Variants in TRIQK observed in about 807,000 individuals in gnomAD.
TRIQK encodes the protein triple QxxK/R motif containing.
TRIQK carries 10 observed loss-of-function variants against 10.8 expected under a neutral mutation model. The ratio of observed to expected loss-of-function variants is 0.92; its 90% CI spans 0.57 to 1.57. TRIQK has a LOEUF of 1.57. TRIQK is among the 40% of genes most tolerant of loss of function. The probability of loss-of-function intolerance (pLI) is 0.00; values close to 1 mark genes in which losing one functional copy is unlikely to be tolerated. For missense variants in TRIQK, 107 were observed against 97.7 expected (o/e 1.09, Z -0.40); for synonymous variants, 33 against 33.7 (o/e 0.98, Z 0.07).
chr8:92,958,077 A>G (rs990642150), intron 1 of TRIQK, among the ~76,000 whole-genome samples: 1 of 152,054 alleles, frequency 6.6e-6, no homozygotes, highest in Admixed American at 6.6e-5. Context: ...TGCCTCCAAG[A>G]TGCAAATAGT....
intron 3 of TRIQK, among the ~76,000 whole-genome samples, chr8:92,910,185 T>G (rs1405169321): frequency 6.6e-6 from 1 of 151,418 alleles, no homozygotes; most frequent in Non-Finnish European, 1.5e-5. Context: ...CAAGACTATT[T>G]AAATTCTAGT....
chr8:92,932,397 C>G (rs1487887575), intron 2 of TRIQK, among the ~76,000 whole-genome samples: 1 of 152,032 alleles, frequency 6.6e-6, no homozygotes, highest in Non-Finnish European at 1.5e-5. Context: ...TTTGTTTTAA[C>G]TAAACTGACC....
rs34462292 is a variant in TRIQK, at chr8:92,986,223, C to CT, written c.-181+31385dup. Among the ~76,000 whole-genome samples, 167 of 149,400 alleles carry CT rather than the reference C, an allele frequency of 1.1e-3. 1 individual carries two copies. The highest frequency in any genetic ancestry group is 3.4e-3 in the Middle Eastern group (1 of 290). ...TACATAGGATAACCTATAAAGAAAACTTTTTTTTTTGCAAGTTCTTGAAAG... is the reference window on the plus strand; with the variant it reads ...TACATAGGATAACCTATAAAGAAAACTTTTTTTTTTTGCAAGTTCTTGAAAG... On this transcript the variant is annotated intron_variant, in intron 1 of 4. Transcript: ENST00000520686.
At chr8:92,939,950 T>C (rs1362561513) in intron 2 of TRIQK, among the ~76,000 whole-genome samples, 3 of 152,038 alleles carry the variant, frequency 2.0e-5, no homozygotes, top group Non-Finnish European at 4.4e-5. Context: ...ATAGCAGAAT[T>C]ACCCAGCCAA....
chr8:93,008,697 C>A (rs1331531343), intron 1 of TRIQK, among the ~76,000 whole-genome samples: 1 of 152,132 alleles, frequency 6.6e-6, no homozygotes, highest in African/African-American at 2.4e-5. Context: ...GACACCCAAC[C>A]GATTTTCCAT....
intron 1 of TRIQK, among the ~76,000 whole-genome samples, chr8:92,996,682 A>G (rs960021565): frequency 3.9e-5 from 6 of 151,974 alleles, no homozygotes; most frequent in Admixed American, 2.0e-4. Flanking sequence ...TAGTGAAATA[A>G]GTGATCCTAA....
intron 2 of TRIQK, among the ~76,000 whole-genome samples, chr8:92,930,473 A>G (rs959443112): frequency 3.3e-5 from 5 of 152,180 alleles, no homozygotes; most frequent in Admixed American, 3.3e-4. Context: ...TCAGGATTAC[A>G]AAGTGCTAAT....
At position 92,901,428 on chromosome 8, in the gene TRIQK, C is replaced by A. The variant is rs926967412; in HGVS notation, c.62-9354G>T. 3.9e-5 allele frequency among the ~76,000 whole-genome samples: 6 copies of A among 152,170 alleles called. No homozygotes were observed. The South Asian group carries it at 8.3e-4, about 21-fold the overall frequency. On this transcript the variant is annotated intron_variant, in intron 3 of 4. Coordinates refer to ENST00000521988, the MANE Select transcript of TRIQK (RefSeq NM_001171797.2). ...CGTTGAGGTATGTTCCTTCTATACC[C>A]AGTTTTTTTGAGGGGTTTTTATCAT...
At chr8:92,995,950 T>C (rs1813150467) in intron 1 of TRIQK, among the ~76,000 whole-genome samples, 1 of 152,088 alleles carries the variant, frequency 6.6e-6, no homozygotes, top group African/African-American at 2.4e-5. Context: ...ATAGAATAGA[T>C]ATAATTGGCT....
chr8:93,005,389 A>G (rs1038530642), intron 1 of TRIQK, among the ~76,000 whole-genome samples: 1 of 152,114 alleles, frequency 6.6e-6, no homozygotes, highest in Non-Finnish European at 1.5e-5. Flanking sequence ...CCCATGATCT[A>G]ATCACCTCCC....
At chr8:92,948,448 TATGAA>T (rs1396739215) in intron 2 of TRIQK, among the ~76,000 whole-genome samples, 1 of 152,200 alleles carries the variant, frequency 6.6e-6, no homozygotes, top group Admixed American at 6.5e-5. Context: ...ATGTAGATAT[TATGAA>T]ATGAAATGAA....
chr8:92,988,068 G>T (rs1312120382), intron 1 of TRIQK, among the ~76,000 whole-genome samples: 1 of 141,738 alleles, frequency 7.1e-6, no homozygotes, highest in Non-Finnish European at 1.5e-5. Context: ...GTGCAGTGGC[G>T]CGATCTCGGC....
At chr8:92,927,737 AAAGACTG>A (rs1295848749) in intron 2 of TRIQK, among the ~76,000 whole-genome samples, 1 of 152,156 alleles carries the variant, frequency 6.6e-6, no homozygotes, top group Non-Finnish European at 1.5e-5. Flanking sequence ...ACTCAGTTAG[AAAGACTG>A]AGAAGGGACC....
chr8:92,996,652 GGTTAT>G (rs1563674882), intron 1 of TRIQK, among the ~76,000 whole-genome samples: 1 of 151,754 alleles, frequency 6.6e-6, no homozygotes, highest in Non-Finnish European at 1.5e-5. Context: ...AATATTGAAT[GGTTAT>G]GTTAACATAT....
chr8:92,911,792 CAT>C (rs1000471710), intron 3 of TRIQK, among the ~76,000 whole-genome samples: 7 of 148,968 alleles, frequency 4.7e-5, no homozygotes, highest in East Asian at 2.0e-4. Context: ...TACATATATA[CAT>C]ATATATGTGT....
rs1239016726 is a variant in TRIQK, at chr8:92,883,750, A to G, written c.*2872T>C. On this transcript the variant is annotated 3_prime_UTR_variant, in exon 5 of 5. Coordinates refer to ENST00000521988, the MANE Select transcript of TRIQK (RefSeq NM_001171797.2). The stretch of plus-strand genomic sequence containing the variant: ...TACAGTCATTGGTTGGGGTGAAAGT[A>G]TTTCTTCTGTCTTCATGAAAAATTA... 2.0e-5 allele frequency: 3 copies of G among 151,770 alleles called. No individual in the cohort carries two copies. The highest frequency in any genetic ancestry group is 4.4e-5 in the Non-Finnish European group (3 of 67,834). 9.4% of individuals were successfully genotyped at this position (151,770 alleles called of 1,614,324 possible). A position where few individuals can be genotyped will look rare whatever the true frequency, so the allele number is the denominator to read the frequency against.
chr8:93,006,034 CAA>C (rs58693078), intron 1 of TRIQK, among the ~76,000 whole-genome samples: 5,563 of 130,894 alleles, frequency 0.043, 153 homozygotes, highest in Middle Eastern at 0.08. Flanking sequence ...AAAAAATAAG[CAA>C]AAAAAAAAAA....
chr8:92,925,582 A>T (rs577422506), intron 2 of TRIQK, among the ~76,000 whole-genome samples: 2 of 152,280 alleles, frequency 1.3e-5, no homozygotes, highest in Middle Eastern at 6.8e-3. Context: ...TTGAACAGGA[A>T]CTAGAAACTT....
chr8:93,012,612 A>T (rs1345133601), intron 1 of TRIQK, among the ~76,000 whole-genome samples: 1 of 152,138 alleles, frequency 6.6e-6, no homozygotes, highest in Non-Finnish European at 1.5e-5. Context: ...ATACATTTCT[A>T]ATCTTGCCCA....
Sources: gnomAD v4.1 joint callset for allele counts (sites outside exome capture counted in the v4.1 genomes callset) on GRCh38, gnomAD v4.1.1 for gene constraint, MANE v1.5 for transcripts, NCBI Gene and HGNC (gene_info 2026-07-23, HGNC 2026-07-21) for gene names.